The following GPC3 variants were observed in gnomAD, a reference collection of about 807,000 sequenced individuals.
GPC3 encodes glypican 3, also known as glypican-3.
Under a neutral mutation model 34.4 loss-of-function variants are expected in GPC3, and 3 were observed. The ratio of observed to expected loss-of-function variants is 0.09; its 90% CI spans 0.04 to 0.23. The LOEUF (loss-of-function observed/expected upper bound fraction) is 0.23, where lower values mean the gene tolerates loss of function less well. GPC3 is among the 10% of genes least tolerant of loss of function. The pLI is 1.00. For missense variants in GPC3, 351 were observed against 445.6 expected, an observed-to-expected ratio of 0.79 and a Z score of 1.91; for synonymous variants, 177 against 174.0, an observed-to-expected ratio of 1.02 and a Z score of -0.13.
intron 6 of GPC3, among the ~76,000 whole-genome samples, chrX:133,660,908 C>G (rs780893352): frequency 9.0e-6 from 1 of 111,664 alleles, no homozygotes; most frequent in Non-Finnish European, 1.9e-5. Flanking sequence ...GTGGCTCACA[C>G]CTGTAGTCCT....
intron 6 of GPC3, among the ~76,000 whole-genome samples, chrX:133,612,293 T>C (rs1246813114): frequency 8.9e-6 from 1 of 112,340 alleles, no homozygotes; most frequent in Non-Finnish European, 1.9e-5. Context: ...CTCCTTTATG[T>C]AGGTCAAAAC....
chrX:133,707,804 ACT>A (rs1217836332), intron 3 of GPC3, among the ~76,000 whole-genome samples: 1 of 110,444 alleles, frequency 9.1e-6, no homozygotes, highest in Non-Finnish European at 1.9e-5. Flanking sequence ...TGGTTGCTGT[ACT>A]CTTTTTTTAA....
chrX:133,668,907 C>T (rs188722532), intron 5 of GPC3, among the ~76,000 whole-genome samples: 2 of 111,580 alleles, frequency 1.8e-5, no homozygotes, highest in Non-Finnish European at 1.9e-5. Flanking sequence ...ATTTCCTCAC[C>T]ACCCTGCTAC....
chrX:133,979,594 C>A (rs1023900459), intron 1 of GPC3, among the ~76,000 whole-genome samples: 1 of 111,815 alleles, frequency 8.9e-6, no homozygotes, highest in East Asian at 2.8e-4. Context: ...CCCTGATACA[C>A]GTAGCATTTC....
intron 7 of GPC3, among the ~76,000 whole-genome samples, chrX:133,575,016 G>A (rs2069665597): frequency 8.9e-6 from 1 of 112,198 alleles, no homozygotes; most frequent in Non-Finnish European, 1.9e-5. Flanking sequence ...AGCAGAAAGG[G>A]AAGTGGTAGA....
intron 5 of GPC3, chrX:133,671,498 T>C: frequency 2.4e-6 from 1 of 412,493 alleles, no homozygotes; most frequent in Admixed American, 4.2e-5. Context: ...ATAGCAGTAC[T>C]ACTTCAGAGC....
intron 6 of GPC3, among the ~76,000 whole-genome samples, chrX:133,621,278 G>C (rs1337154293): frequency 2.7e-5 from 3 of 111,614 alleles, no homozygotes; most frequent in Non-Finnish European, 3.8e-5. Context: ...TCCAACTGAG[G>C]TACCGGGTTC....
In GPC3 at chrX:133,550,356, C is replaced by T. The variant is rs915133496; in HGVS notation, c.1574-14063G>A. Reference sequence around the variant, plus strand: ...CAAGCCTCAACTTACATGATAGCCTCTTCCAGGAAGCCTTCCCTTCTCACT... The same window carrying T: ...CAAGCCTCAACTTACATGATAGCCTTTTCCAGGAAGCCTTCCCTTCTCACT... On this transcript the variant is annotated intron_variant, in intron 7 of 7. Transcript: ENST00000370818. Among the ~76,000 whole-genome samples, 29 of 111,295 alleles carry T rather than the reference C, an allele frequency of 2.6e-4. No individual in the cohort carries two copies. In the Admixed American group the frequency reaches 2.8e-3, roughly 11 times the overall value.
chrX:133,732,527 C>T (rs1478257503), intron 3 of GPC3, among the ~76,000 whole-genome samples: 1 of 111,245 alleles, frequency 9.0e-6, no homozygotes, highest in Non-Finnish European at 1.9e-5. Context: ...CTTTAAAAGG[C>T]AAAGGTGAGG....
chrX:133,561,662 T>C (rs1165425160), intron 7 of GPC3, among the ~76,000 whole-genome samples: 1 of 112,359 alleles, frequency 8.9e-6, no homozygotes, highest in African/African-American at 3.2e-5. Flanking sequence ...ATCAGTAATC[T>C]TGCTTAAGAA....
chrX:133,976,812 G>C (rs2076517680), intron 1 of GPC3, among the ~76,000 whole-genome samples: 1 of 109,732 alleles, frequency 9.1e-6, no homozygotes, highest in African/African-American at 3.3e-5. Flanking sequence ...CAGCTACTCG[G>C]GTAGCTGAGG....
chrX:133,572,804 C>T (rs1047617764), intron 7 of GPC3, among the ~76,000 whole-genome samples: 1 of 111,461 alleles, frequency 9.0e-6, no homozygotes, highest in African/African-American at 3.3e-5. Flanking sequence ...AAGCCCAGGC[C>T]CAGATGGCTT....
chrX:133,735,535 T>C (rs777392304), intron 3 of GPC3, among the ~76,000 whole-genome samples: 7 of 111,968 alleles, frequency 6.3e-5, no homozygotes, highest in Admixed American at 9.5e-5. Context: ...TAAATCTTTA[T>C]GCCCTTGGAT....
At chrX:133,584,945 A>C (rs2069773793) in intron 7 of GPC3, among the ~76,000 whole-genome samples, 1 of 110,215 alleles carries the variant, frequency 9.1e-6, no homozygotes, top group Admixed American at 9.7e-5. Flanking sequence ...AAAAAAAAAA[A>C]ACAAAAAAAC....
chrX:133,948,712 T>C (rs971556602), intron 2 of GPC3, among the ~76,000 whole-genome samples: 3 of 111,963 alleles, frequency 2.7e-5, no homozygotes, highest in Non-Finnish European at 5.6e-5. Flanking sequence ...CCTGGCAGTA[T>C]TGACACTTCA....
chrX:133,729,270 G>C (rs1446648030), intron 3 of GPC3, among the ~76,000 whole-genome samples: 4 of 111,274 alleles, frequency 3.6e-5, no homozygotes, highest in African/African-American at 1.3e-4. Flanking sequence ...TTCCGGACTG[G>C]AGTAAAAAGG....
intron 3 of GPC3, among the ~76,000 whole-genome samples, chrX:133,745,135 G>A (rs1048995584): frequency 4.5e-5 from 5 of 111,606 alleles, no homozygotes; most frequent in Admixed American, 9.5e-5. Flanking sequence ...TGTTCTGCAC[G>A]TGTATCCCAG....
intron 6 of GPC3, among the ~76,000 whole-genome samples, chrX:133,601,180 T>C (rs190621488): frequency 1.3e-4 from 14 of 111,842 alleles, no homozygotes; most frequent in Non-Finnish European, 2.4e-4. Flanking sequence ...AAGCATACAA[T>C]CAACTTTCTT....
At chrX:133,655,659 T>C (rs1000742067) in intron 6 of GPC3, among the ~76,000 whole-genome samples, 3 of 111,778 alleles carry the variant, frequency 2.7e-5, no homozygotes, top group African/African-American at 9.8e-5. Flanking sequence ...TTCAAAAGGT[T>C]TCTCCTTTTA....
Sources: allele counts gnomAD v4.1 joint callset (sites outside exome capture counted in the v4.1 genomes callset), GRCh38; gene constraint gnomAD v4.1.1; transcripts MANE v1.5; gene names NCBI Gene and HGNC (gene_info 2026-07-23, HGNC 2026-07-21).